Variants in PSG7 observed in about 807,000 individuals in gnomAD.
PSG7 encodes the protein pregnancy specific beta-1-glycoprotein 7, also known as pregnancy-specific beta-1-glycoprotein 7.
In PSG7, 57 loss-of-function variants were observed where a neutral mutation model predicts 45.6. That is an observed-to-expected ratio of 1.25 (90% confidence interval 1.01 to 1.56). PSG7 has a LOEUF of 1.56. Ranked by LOEUF, PSG7 falls within the 40% of genes most tolerant of loss-of-function variation. The pLI is 0.00. For missense variants in PSG7, 796 were observed against 508.4 expected (o/e 1.57, Z -5.44); for synonymous variants, 298 against 194.4 (o/e 1.53, Z -4.43).
chr19:42,924,553 A>G lies in PSG7; in HGVS notation c.*255T>C, dbSNP rs1011193588. The G allele has an allele frequency of 6.6e-6, 4 of 603,156 alleles. No homozygotes were observed. Among genetic ancestry groups the G allele is most frequent in the South Asian group, 2.1e-5 (1 of 48,102 alleles). The allele number at this position is 603,156 out of a possible 1,614,324, so 37.4% of individuals were successfully genotyped here. A position where few individuals can be genotyped will look rare whatever the true frequency, so the allele number is the denominator to read the frequency against. ...GAGCCTCATCATGATGGGGAGTCTTATTCTGACATCTTGGGAAAAGCTGTC... is the reference window on the plus strand; with the variant it reads ...GAGCCTCATCATGATGGGGAGTCTTGTTCTGACATCTTGGGAAAAGCTGTC... On this transcript the variant is annotated 3_prime_UTR_variant, in exon 6 of 6. Coordinates refer to ENST00000406070, the MANE Select transcript of PSG7 (RefSeq NM_002783.3).
At position 42,926,477 on chromosome 19, in the gene PSG7, C is replaced by G. The variant is rs764906705; in HGVS notation, c.949G>C (p.Gly317Arg). Residue 317 changes from glycine (G) to arginine (R), a missense_variant, in exon 4 of 6, where the codon GGT becomes CGT. Physicochemically the swap from Gly to Arg is moderately radical, Grantham distance 125. Coordinates refer to ENST00000406070, the MANE Select transcript of PSG7 (RefSeq NM_002783.3). Reference protein sequence around the residue: ...PYQCEIRDRYGGIRSDPVTLN... With the variant: ...PYQCEIRDRYRGIRSDPVTLN... ...GTGACTGGGTCACTGCGGATGCCAC[C>G]ATATCGGTCCCGTATTTCACATTGA... The G allele has an allele frequency of 1.4e-5, 23 of 1,611,598 alleles. 1 individual carries two copies. The highest frequency in any genetic ancestry group is 2.0e-5 in the Non-Finnish European group (23 of 1,178,994).
intron 2 of PSG7, among the ~76,000 whole-genome samples, chr19:42,932,952 A>G (rs1973051620): frequency 6.6e-6 from 1 of 150,552 alleles, no homozygotes; most frequent in African/African-American, 2.4e-5. Flanking sequence ...GTCTTTTGAG[A>G]TGTTTCTCAT....
rs1479453166 is a variant in PSG7 at position 42,935,691 on chromosome 19, C to G, written c.143G>C (p.Gly48Ala). ...IEAQPPKVSEGKDVLLLVHNL... is the reference protein window; with the variant it reads ...IEAQPPKVSEAKDVLLLVHNL... ...GTGGACAAGTAGAAGAACATCCTTC[C>G]CCTCGGAAACTTTTGGTGGCTGGGC... The change falls in exon 2 of 6, where the codon GGG becomes GCG. Residue 48 changes from glycine (G) to alanine (A), a missense_variant. Transcript: ENST00000406070. 6.2e-7 allele frequency: 1 copy of G among 1,611,840 alleles called. No individual in the cohort carries two copies. Among genetic ancestry groups the G allele is most frequent in the South Asian group, 1.1e-5 (1 of 90,778 alleles).
intron 2 of PSG7, among the ~76,000 whole-genome samples, chr19:42,935,091 GGGT>G (rs1157462374): frequency 2.6e-5 from 4 of 151,756 alleles, no homozygotes; most frequent in Non-Finnish European, 5.9e-5. Flanking sequence ...CAGTTTTCCA[GGGT>G]CTTTCTCAGG....
At chr19:42,933,875 G>C (rs561842687) in intron 2 of PSG7, among the ~76,000 whole-genome samples, 2 of 151,308 alleles carry the variant, frequency 1.3e-5, no homozygotes, top group African/African-American at 4.9e-5. Flanking sequence ...GAGGTGGGGT[G>C]GCTTTAGGGG....
chr19:42,933,139 A>G (rs1340533751), intron 2 of PSG7, among the ~76,000 whole-genome samples: 1 of 147,514 alleles, frequency 6.8e-6, no homozygotes, highest in African/African-American at 2.5e-5. Context: ...TGCCCCTGAA[A>G]CTATCCTTGA....
chr19:42,932,145 TC>T (rs1568458866), intron 2 of PSG7, among the ~76,000 whole-genome samples: 1 of 151,314 alleles, frequency 6.6e-6, no homozygotes, highest in Non-Finnish European at 1.5e-5. Flanking sequence ...TGCCTCAGCC[TC>T]CCGAGTAGCT....
At chr19:42,936,712 A>G (rs191526065) in intron 1 of PSG7, among the ~76,000 whole-genome samples, 3 of 150,880 alleles carry the variant, frequency 2.0e-5, no homozygotes, top group Non-Finnish European at 4.4e-5. Context: ...CAGTGGTGCT[A>G]TCTCGGCTAG....
intron 2 of PSG7, among the ~76,000 whole-genome samples, chr19:42,929,936 A>C (rs1257884421): frequency 1.3e-5 from 2 of 151,486 alleles, no homozygotes; most frequent in Non-Finnish European, 2.9e-5. Context: ...GGACTTTCTC[A>C]AGTGTGAATT....
rs1272704243 is a variant in PSG7, at chr19:42,926,304, C to T, written c.988+134G>A. ...GTTTTCCCAGGGCAGGGAGTCATGGCCAGCTCGGATGTCCAGAAGTAAATA... is the reference window on the plus strand; with the variant it reads ...GTTTTCCCAGGGCAGGGAGTCATGGTCAGCTCGGATGTCCAGAAGTAAATA... On this transcript the variant is annotated intron_variant, in intron 4 of 5. Transcript: ENST00000406070. 15 of 1,518,866 alleles carry T rather than the reference C, an allele frequency of 9.9e-6. 1 individual carries two copies. The highest frequency in any genetic ancestry group is 4.2e-5 in the African/African-American group (3 of 71,828). 94.1% of individuals were successfully genotyped at this position (1,518,866 alleles called of 1,614,324 possible).
In PSG7 at chr19:42,935,405, G is replaced by T. The variant is rs782721273; in HGVS notation, c.429C>A (p.Tyr143Ter). ...GVTGRFTFTL[Y>*]LETPKPSISS... The stretch of plus-strand genomic sequence containing the variant: ...CAGGGACCATGTGGAATCACTCACG[G>T]TATAAGGTGAAGGTGAAACGTCCAG... The change falls in exon 2 of 6, where the codon TAC becomes TAA. Residue 143 changes from tyrosine to a stop codon, truncating the protein, a stop_gained and splice_region_variant. Transcript: ENST00000406070. LOFTEE classifies it high-confidence loss of function. The T allele has an allele frequency of 6.2e-7, 1 of 1,611,568 alleles. No homozygotes were observed. The highest frequency in any genetic ancestry group is 8.5e-7 in the Non-Finnish European group (1 of 1,178,702).
At position 42,926,423 on chromosome 19, in the gene PSG7, C is replaced by T. The variant is rs1322668564; in HGVS notation, c.988+15G>A. On this transcript the variant is annotated intron_variant, in intron 4 of 5. Transcript: ENST00000406070. ...CTGGCCCACAGAGGAAGAAAGGATA[C>T]TCAAGGATACTCACAGAGGACATTC... 3.1e-6 allele frequency: 5 copies of T among 1,610,450 alleles called. No individual in the cohort carries two copies. In the Admixed American group the frequency reaches 8.4e-5, roughly 27 times the overall value.
At chr19:42,928,645 C>A (rs540681040) in intron 3 of PSG7, among the ~76,000 whole-genome samples, 1 of 151,366 alleles carries the variant, frequency 6.6e-6, no homozygotes, top group East Asian at 2.0e-4. Context: ...CAGGCAAAAC[C>A]TGGTGGTTTT....
intron 2 of PSG7, among the ~76,000 whole-genome samples, chr19:42,934,212 C>G (rs2122696511): frequency 6.6e-6 from 1 of 151,486 alleles, no homozygotes; most frequent in South Asian, 2.1e-4. Flanking sequence ...GAGACCTGGA[C>G]ATTTTTTTTG....
intron 2 of PSG7, among the ~76,000 whole-genome samples, chr19:42,933,201 C>A (rs1240716364): frequency 1.5e-5 from 2 of 137,660 alleles, no homozygotes; most frequent in African/African-American, 2.7e-5. Flanking sequence ...AATAATAAAC[C>A]TCTGTCCTCC....
intron 2 of PSG7, among the ~76,000 whole-genome samples, chr19:42,933,285 A>ATTTTTTT (rs1973064569): frequency 1.2e-4 from 1 of 8,218 alleles, no homozygotes; most frequent in African/African-American, 3.3e-4. Flanking sequence ...ATATATATAT[A>ATTTTTTT]TATATATATA....
In PSG7 at chr19:42,924,493, A is replaced by C; in HGVS notation, c.*315T>G. ...ACTGCATTATCCTGCCAAGTGAAAGAGGCAGGCACAAGCAAGGACAGCTAA... is the reference window on the plus strand; with the variant it reads ...ACTGCATTATCCTGCCAAGTGAAAGCGGCAGGCACAAGCAAGGACAGCTAA... On this transcript the variant is annotated 3_prime_UTR_variant, in exon 6 of 6. Coordinates refer to ENST00000406070, the MANE Select transcript of PSG7 (RefSeq NM_002783.3). 1 of 560,208 alleles carries C rather than the reference A, an allele frequency of 1.8e-6. No individual in the cohort carries two copies. Among genetic ancestry groups the C allele is most frequent in the Non-Finnish European group, 3.1e-6 (1 of 318,544 alleles). 34.7% of individuals were successfully genotyped at this position (560,208 alleles called of 1,614,324 possible).
intron 2 of PSG7, among the ~76,000 whole-genome samples, chr19:42,933,307 A>ATATATAT (rs56691588): frequency 3.4e-3 from 46 of 13,480 alleles, no homozygotes; most frequent in Admixed American, 4.7e-3. Context: ...ATATATATAT[A>ATATATAT]TTTTTTTTTT....
chr19:42,937,101 C>T lies in PSG7; in HGVS notation c.-25G>A. ...TGGTCTCTGCTCCCTGCGTGTTCTC[C>T]TCTGTGGAGATGAGCCTAGGATCCA... is the stretch of plus-strand genomic sequence containing the variant. On this transcript the variant is annotated 5_prime_UTR_variant, in exon 1 of 6. Transcript: ENST00000406070. The T allele has an allele frequency of 6.2e-7, 1 of 1,607,886 alleles. No individual in the cohort carries two copies. The highest frequency in any genetic ancestry group is 8.5e-7 in the Non-Finnish European group (1 of 1,176,176).
Sources: allele counts gnomAD v4.1 joint callset (sites outside exome capture counted in the v4.1 genomes callset), GRCh38; gene constraint gnomAD v4.1.1; transcripts MANE v1.5; gene names NCBI Gene and HGNC (gene_info 2026-07-23, HGNC 2026-07-21).